The following C12orf76 variants were observed in gnomAD, a reference collection of about 807,000 sequenced individuals.
C12orf76 encodes uncharacterized protein C12orf76.
C12orf76 carries 6 observed loss-of-function variants against 6.8 expected under a neutral mutation model. The ratio of observed to expected loss-of-function variants is 0.88; its 90% CI spans 0.48 to 1.73. The LOEUF (loss-of-function observed/expected upper bound fraction) is 1.73. Among genes scored for constraint, C12orf76 ranks in the 40% most tolerant of loss-of-function variants. The probability of loss-of-function intolerance (pLI) is 0.01; values close to 1 mark genes in which losing one functional copy is unlikely to be tolerated. For synonymous variants in C12orf76, 56 were observed against 43.7 expected (o/e 1.28, Z -1.11); for missense variants, 99 against 98.2 (o/e 1.01, Z -0.03).
intron 1 of C12orf76, chr12:110,067,474 T>C: frequency 2.0e-6 from 2 of 985,398 alleles, no homozygotes; most frequent in Non-Finnish European, 2.4e-6. Flanking sequence ...CAGATCACTG[T>C]ATTTTGTCTG....
At chr12:110,056,732 T>C (rs553976683) in intron 4 of C12orf76, among the ~76,000 whole-genome samples, 27 of 152,294 alleles carry the variant, frequency 1.8e-4, no homozygotes, top group African/African-American at 6.5e-4. Context: ...CCACATGTTG[T>C]AGGAGGGACC....
intron 1 of C12orf76, among the ~76,000 whole-genome samples, chr12:110,067,014 C>T (rs1892879738): frequency 6.6e-6 from 1 of 152,240 alleles, no homozygotes; most frequent in African/African-American, 2.4e-5. Context: ...AGTTTGTTCT[C>T]CTGTCCCTCT....
At chr12:110,047,447 G>C (rs1892478610) in intron 1 of C12orf76, among the ~76,000 whole-genome samples, 1 of 152,104 alleles carries the variant, frequency 6.6e-6, no homozygotes, top group Admixed American at 6.5e-5. Context: ...CCAACACTTT[G>C]GGAGGCCGAG....
exon 2 of C12orf76, chr12:110,065,990 G>GTCA: frequency 6.2e-7 from 1 of 1,611,472 alleles, no homozygotes; most frequent in East Asian, 2.2e-5. Context: ...CCAGAACTGG[G>GTCA]TCATCTCTGA....
At chr12:110,058,401 C>A (rs972994704) in intron 3 of C12orf76, among the ~76,000 whole-genome samples, 19 of 152,134 alleles carry the variant, frequency 1.2e-4, no homozygotes, top group African/African-American at 4.3e-4. Context: ...TGGTGCCTCA[C>A]GCCTGTAATC....
chr12:110,051,465 C>A (rs752961791), upstream of C12orf76, among the ~76,000 whole-genome samples: 1 of 151,854 alleles, frequency 6.6e-6, no homozygotes, highest in Non-Finnish European at 1.5e-5. Context: ...CTTGCTCTGT[C>A]GCCCAGGTTG....
At chr12:110,064,109 G>A (rs1892821347) in intron 2 of C12orf76, among the ~76,000 whole-genome samples, 1 of 152,202 alleles carries the variant, frequency 6.6e-6, no homozygotes, top group Admixed American at 6.5e-5. Context: ...CTAGCAGTCT[G>A]CAGAGGAACA....
chr12:110,063,141 T>C (rs907277302), intron 2 of C12orf76, among the ~76,000 whole-genome samples: 3 of 150,942 alleles, frequency 2.0e-5, no homozygotes, highest in African/African-American at 7.3e-5. Context: ...GGTTTCACCA[T>C]GTTGGCCAGG....
chr12:110,055,644 C>T lies in C12orf76; in HGVS notation n.664+1545G>A, dbSNP rs7975757. Among the ~76,000 whole-genome samples, 1,372 of 152,082 alleles carry T rather than the reference C, an allele frequency of 9.0e-3. 31 individuals carry two copies. The highest frequency in any genetic ancestry group is 0.032 in the African/African-American group (1,315 of 41,472). On this transcript the variant is annotated intron_variant and non_coding_transcript_variant, in intron 4 of 4. Coordinates refer to the C12orf76 transcript ENST00000309050. ...GTGCAGAGCCAGCTGTGGGGGAGAC[C>T]GGAGTTTTATTATTACTCAAATCTG... is the stretch of plus-strand genomic sequence containing the variant.
intron 1 of C12orf76, chr12:110,066,091 G>A (rs1439000742): frequency 6.9e-7 from 1 of 1,445,800 alleles, no homozygotes; most frequent in African/African-American, 1.4e-5. Flanking sequence ...TTTCCCCGAA[G>A]ATGGTCAGGG....
intron 1 of C12orf76, 42 bp from the exon 2 acceptor site, chr12:110,042,501 G>T: frequency 7.5e-7 from 1 of 1,335,778 alleles, no homozygotes; most frequent in Non-Finnish European, 1.1e-6. Flanking sequence ...GCAGCTCCAG[G>T]TTAGGCAATT....
chr12:110,072,126 T>C (rs1168985545), upstream of C12orf76, among the ~76,000 whole-genome samples: 1 of 151,992 alleles, frequency 6.6e-6, no homozygotes, highest in Non-Finnish European at 1.5e-5. Context: ...TACTCAGCCA[T>C]AAAAAGGAAT....
At chr12:110,068,316 GAAGAAGAAGAAGA>G (rs1566080262), upstream of C12orf76, among the ~76,000 whole-genome samples, 50 of 144,672 alleles carry the variant, frequency 3.5e-4, 2 homozygotes, top group African/African-American at 1.2e-3. Context: ...AGAAGAAGAA[GAAGAAGAAGAAGA>G]AGGCGGCCAA....
chr12:110,067,879 G>T (rs917123293), upstream of C12orf76, among the ~76,000 whole-genome samples: 1 of 151,230 alleles, frequency 6.6e-6, no homozygotes, highest in South Asian at 2.1e-4. Flanking sequence ...GCTAAGAAGA[G>T]AATGTAAGGA....
chr12:110,067,379 A>G, intron 1 of C12orf76: 1 of 982,362 alleles, frequency 1.0e-6, no homozygotes, highest in Non-Finnish European at 1.2e-6. Context: ...ACCTAGATAG[A>G]GTCTCCACAG....
At position 110,043,503 on chromosome 12, in the gene C12orf76, A is replaced by G. The variant is rs377356311; in HGVS notation, c.134-1044T>C. Among the ~76,000 whole-genome samples the G allele has an allele frequency of 1.4e-4, 22 of 152,314 alleles. 1 individual carries two copies. Among genetic ancestry groups the G allele is most frequent in the East Asian group, 7.7e-4 (4 of 5,194 alleles). ...ACCTGGAGATTCAATAAAGTATTTC[A>G]GTCTCAAGATGAGTCTTGACAGGGC... On this transcript the variant is annotated intron_variant, in intron 1 of 1. Transcript: ENST00000615315.
At chr12:110,061,593 G>T (rs1892773406) in intron 2 of C12orf76, among the ~76,000 whole-genome samples, 2 of 150,962 alleles carry the variant, frequency 1.3e-5, no homozygotes, top group Non-Finnish European at 2.9e-5. Context: ...CTGGAGTGCA[G>T]CAGCAAGATC....
rs990697520 is a variant in C12orf76 at position 110,057,355 on chromosome 12, C to A, written n.557-59G>T. The A allele has an allele frequency of 8.1e-5, 91 of 1,117,716 alleles. 1 individual carries two copies. The highest frequency in any genetic ancestry group is 9.5e-5 in the Non-Finnish European group (70 of 739,668). The allele number at this position is 1,117,716 out of a possible 1,614,324, so 69.2% of individuals were successfully genotyped here. Reference sequence around the variant, plus strand: ...CTGAGCCTCCAAAGTGAACTGCCCTCATATCCCTTACCTCATGACTAACCC... The same window carrying A: ...CTGAGCCTCCAAAGTGAACTGCCCTAATATCCCTTACCTCATGACTAACCC... On this transcript the variant is annotated intron_variant and non_coding_transcript_variant, in intron 3 of 4. Coordinates refer to the C12orf76 transcript ENST00000309050.
chr12:110,052,919 A>G (rs971024822), upstream of C12orf76, among the ~76,000 whole-genome samples: 5 of 152,176 alleles, frequency 3.3e-5, no homozygotes, highest in African/African-American at 7.2e-5. Context: ...TTAAAAGTTC[A>G]TGGCTGGGCG....
Sources: gnomAD v4.1 joint callset for allele counts (sites outside exome capture counted in the v4.1 genomes callset) on GRCh38, gnomAD v4.1.1 for gene constraint, MANE v1.5 for transcripts, NCBI Gene and HGNC (gene_info 2026-07-23, HGNC 2026-07-21) for gene names.